Variants in COPG2 observed in about 807,000 individuals in gnomAD.
COPG2 encodes coatomer subunit gamma-2.
In COPG2, 37 loss-of-function variants were observed where a neutral mutation model predicts 46.3. That is an observed-to-expected ratio of 0.80 (90% CI 0.61 to 1.05). The LOEUF is 1.05. Ranked by LOEUF, COPG2 falls within the 50% of genes least tolerant of loss-of-function variation. The pLI is 0.00. For missense variants in COPG2, 427 were observed against 387.8 expected, an observed-to-expected ratio of 1.10 and a Z score of -0.85; for synonymous variants, 159 against 129.7, an observed-to-expected ratio of 1.23 and a Z score of -1.53.
At chr7:130,632,152 G>A (rs1450793550) in intron 5 of COPG2, among the ~76,000 whole-genome samples, 2 of 152,152 alleles carry the variant, frequency 1.3e-5, no homozygotes, top group Non-Finnish European at 1.5e-5. Context: ...AGGTCTGCTG[G>A]TGACAAATAC....
At chr7:130,550,303 C>G (rs936785362) in intron 17 of COPG2, among the ~76,000 whole-genome samples, 65 of 148,360 alleles carry the variant, frequency 4.4e-4, no homozygotes, top group African/African-American at 1.6e-3. Flanking sequence ...CCCAGCTACT[C>G]GGAAGGCTGA....
At chr7:130,651,762 C>T (rs1554459147) in intron 5 of COPG2, among the ~76,000 whole-genome samples, 1 of 151,146 alleles carries the variant, frequency 6.6e-6, no homozygotes, top group Non-Finnish European at 1.5e-5. Flanking sequence ...ATGATCCACC[C>T]GCCTCGGCCT....
At chr7:130,512,135 G>A (rs1799606532) in intron 20 of COPG2, among the ~76,000 whole-genome samples, 1 of 151,546 alleles carries the variant, frequency 6.6e-6, no homozygotes, top group South Asian at 2.1e-4. Flanking sequence ...TTGGGAGGCT[G>A]AGGTAGGAGA....
chr7:130,625,297 C>T (rs1795098680), intron 5 of COPG2, among the ~76,000 whole-genome samples: 1 of 152,046 alleles, frequency 6.6e-6, no homozygotes, highest in South Asian at 2.1e-4. Context: ...CATTTTATTA[C>T]TGATTATCTG....
At chr7:130,582,831 T>C (rs1388265024) in intron 9 of COPG2, among the ~76,000 whole-genome samples, 5 of 151,710 alleles carry the variant, frequency 3.3e-5, no homozygotes, top group African/African-American at 1.2e-4. Context: ...TGGCAATCAT[T>C]AAAAAGTCAG....
intron 3 of COPG2, among the ~76,000 whole-genome samples, chr7:130,666,509 A>G (rs1224873968): frequency 2.6e-5 from 4 of 152,224 alleles, no homozygotes; most frequent in Admixed American, 2.6e-4. Flanking sequence ...GAGTGCCAAT[A>G]TAACACTCAG....
chr7:130,611,139 A>G, intron 8 of COPG2, 29 bp from the exon 9 acceptor site: 1 of 1,588,938 alleles, frequency 6.3e-7, no homozygotes, highest in Non-Finnish European at 8.6e-7. Flanking sequence ...AAGGTAGCAC[A>G]TGGATTAGAA....
At chr7:130,554,922 A>C (rs1793596036) in intron 13 of COPG2, 115 bp downstream of exon 13, 1 of 397,552 alleles carries the variant, frequency 2.5e-6, no homozygotes, top group African/African-American at 2.1e-5. Flanking sequence ...GACTTAGTGT[A>C]CTACTTGAGA....
rs1793596319 is a variant in COPG2, at chr7:130,554,935, C to T, written c.1224+102G>A. On this transcript the variant is annotated intron_variant, in intron 13 of 23. Coordinates refer to ENST00000425248, the MANE Select transcript of COPG2 (RefSeq NM_012133.6). ...CAGACTTAGTGTACTACTTGAGAGG[C>T]ATACTGAGATGATAAGGAAATCTTA... 5 of 397,604 alleles carry T rather than the reference C, an allele frequency of 1.3e-5. No individual in the cohort carries two copies. The Admixed American group carries it at 1.8e-4, about 14-fold the overall frequency. The allele number at this position is 397,604 out of a possible 1,614,324, so 24.6% of individuals were successfully genotyped here.
chr7:130,592,395 C>CAAAAAAAAAAAAAAAAAAAAAA (rs1187335882), intron 9 of COPG2, among the ~76,000 whole-genome samples: 1 of 74,974 alleles, frequency 1.3e-5, no homozygotes, highest in African/African-American at 3.9e-5. Flanking sequence ...CAAGAATGAT[C>CAAAAAAAAAAAAAAAAAAAAAA]AAAAAAAAAA....
intron 19 of COPG2, among the ~76,000 whole-genome samples, chr7:130,548,161 G>A (rs1163946599): frequency 1.3e-5 from 2 of 152,038 alleles, no homozygotes; most frequent in Non-Finnish European, 2.9e-5. Flanking sequence ...TTAGAAAATT[G>A]GTTATACTTT....
chr7:130,613,544 C>A lies in COPG2; in HGVS notation c.492G>T (p.Leu164=). 1 of 1,575,540 alleles carries A rather than the reference C, an allele frequency of 6.3e-7. No individual in the cohort carries two copies. Among genetic ancestry groups the A allele is most frequent in the East Asian group, 2.2e-5 (1 of 44,484 alleles). The change falls in exon 7 of 24, where the codon CTG becomes CTT. Residue 164 remains leucine, a splice_region_variant and synonymous_variant. Coordinates refer to ENST00000425248, the MANE Select transcript of COPG2 (RefSeq NM_012133.6). ...SVSSSALVSS[L]HMMKISYDVV... is the part of the protein sequence containing the mutation. ...ACTAGGAAGCTGCTTGTTCACTTAC[C>A]AGGGAAGATACCAGTGCTGAACTGG... is the stretch of plus-strand genomic sequence containing the variant.
intron 3 of COPG2, among the ~76,000 whole-genome samples, chr7:130,665,491 T>C (rs1796059046): frequency 6.6e-6 from 1 of 152,038 alleles, no homozygotes; most frequent in East Asian, 1.9e-4. Flanking sequence ...AAAAAAAAAC[T>C]ATGTTTGTAC....
Position 130,562,454 on chromosome 7 carries a change from C to T in COPG2, c.939+815G>A, listed in dbSNP as rs909671267. Among the ~76,000 whole-genome samples, 242 of 152,334 alleles carry T rather than the reference C, an allele frequency of 1.6e-3. 1 individual carries two copies. Among genetic ancestry groups the T allele is most frequent in the African/African-American group, 5.2e-3 (218 of 41,574 alleles). ...AACTTCTCTTTTCTTCGACTGTTTA[C>T]ACAATTAATTTATAATTATGTATTG... On this transcript the variant is annotated intron_variant, in intron 11 of 23. Coordinates refer to ENST00000425248, the MANE Select transcript of COPG2 (RefSeq NM_012133.6).
At chr7:130,545,206 AT>A (rs1793419580) in intron 20 of COPG2, among the ~76,000 whole-genome samples, 1 of 149,698 alleles carries the variant, frequency 6.7e-6, no homozygotes, top group Admixed American at 6.7e-5. Flanking sequence ...ATTTCATTTC[AT>A]CCTATAACAG....
At chr7:130,619,219 C>T (rs1554453283) in intron 5 of COPG2, among the ~76,000 whole-genome samples, 2 of 152,172 alleles carry the variant, frequency 1.3e-5, no homozygotes. Flanking sequence ...GTCTAATGAG[C>T]ACTTGAAATA....
At chr7:130,582,896 G>C (rs1794181557) in intron 9 of COPG2, among the ~76,000 whole-genome samples, 1 of 151,936 alleles carries the variant, frequency 6.6e-6, no homozygotes. Context: ...TTACACGTTG[G>C]TGGGACTGTA....
rs1796150458 is a variant in COPG2, at chr7:130,668,559, G to A, written c.37+73C>T. On this transcript the variant is annotated intron_variant, in intron 1 of 23. Transcript: ENST00000425248. ...CCCACGCCCCCAGCCCCGCCGGCCT[G>A]AAAGCAGGTGGCGGCGGGCGGGGGA... The A allele has an allele frequency of 9.2e-6, 13 of 1,410,670 alleles. 1 individual carries two copies. In the South Asian group the frequency reaches 1.8e-4, roughly 19 times the overall value. The allele number at this position is 1,410,670 out of a possible 1,614,324, so 87.4% of individuals were successfully genotyped here. A position where few individuals can be genotyped will look rare whatever the true frequency, so the allele number is the denominator to read the frequency against.
chr7:130,525,319 C>G (rs1237849491), intron 20 of COPG2, among the ~76,000 whole-genome samples: 1 of 152,036 alleles, frequency 6.6e-6, no homozygotes, highest in African/African-American at 2.4e-5. Context: ...GTTTCATGAC[C>G]GTCATCAAGG....
Sources: allele counts gnomAD v4.1 joint callset (sites outside exome capture counted in the v4.1 genomes callset), GRCh38; gene constraint gnomAD v4.1.1; transcripts MANE v1.5; gene names NCBI Gene and HGNC (gene_info 2026-07-23, HGNC 2026-07-21).